BORCS5: variants seen among roughly 807,000 people sequenced by gnomAD.
BORCS5 encodes BLOC-1 related complex subunit 5.
Under a neutral mutation model 22.1 loss-of-function variants are expected in BORCS5, and 17 were observed. The observed-to-expected ratio is 0.77, with a 90% CI of 0.53 to 1.15. The LOEUF (loss-of-function observed/expected upper bound fraction) is 1.15. Among genes scored for constraint, BORCS5 ranks in the 50% most tolerant of loss-of-function variants. BORCS5 has a pLI of 0.00. For missense variants in BORCS5, 247 were observed against 253.2 expected, an observed-to-expected ratio of 0.98 and a Z score of 0.17; for synonymous variants, 117 against 99.8, an observed-to-expected ratio of 1.17 and a Z score of -1.03.
chr12:12,467,156 A>G lies in BORCS5; in HGVS notation c.*1380A>G, dbSNP rs1481663285. On this transcript the variant is annotated 3_prime_UTR_variant, in exon 4 of 4. Coordinates refer to ENST00000314565, the MANE Select transcript of BORCS5 (RefSeq NM_058169.6). ...CAAAAGAATAATACAATGAATATTC[A>G]TATTTCTTTCACCTAGATTGACAAA... 1 of 152,242 alleles carries G rather than the reference A, an allele frequency of 6.6e-6. No individual in the cohort carries two copies. The highest frequency in any genetic ancestry group is 1.5e-5 in the Non-Finnish European group (1 of 68,044). 9.4% of individuals were successfully genotyped at this position (152,242 alleles called of 1,614,324 possible).
intron 2 of BORCS5, among the ~76,000 whole-genome samples, chr12:12,416,032 T>A (rs1941940925): frequency 6.6e-6 from 1 of 152,200 alleles, no homozygotes; most frequent in African/African-American, 2.4e-5. Flanking sequence ...AGAGTTTCTA[T>A]GTGGCTTAGC....
At chr12:12,449,443 G>T (rs1204221378) in intron 3 of BORCS5, among the ~76,000 whole-genome samples, 1 of 152,102 alleles carries the variant, frequency 6.6e-6, no homozygotes. Context: ...GGCCTTTTGT[G>T]GGGAGGAGGT....
intron 1 of BORCS5, among the ~76,000 whole-genome samples, chr12:12,359,883 C>T (rs1348401415): frequency 6.6e-6 from 1 of 152,064 alleles, no homozygotes; most frequent in Non-Finnish European, 1.5e-5. Context: ...CTGTCTAGCA[C>T]TGCTGACTTT....
Position 12,394,302 on chromosome 12 carries a change from G to T in BORCS5, c.202+32953G>T, listed in dbSNP as rs140755039. 2.0e-3 allele frequency among the ~76,000 whole-genome samples: 306 copies of T among 151,594 alleles called. 1 individual carries two copies. Among genetic ancestry groups the T allele is most frequent in the African/African-American group, 6.7e-3 (274 of 40,978 alleles). On this transcript the variant is annotated intron_variant, in intron 2 of 3. Coordinates refer to ENST00000314565, the MANE Select transcript of BORCS5 (RefSeq NM_058169.6). ...GATCATGCCACTGCACCCCAGCTTG[G>T]GTGACAGATTGAGACTCTATCTCAA...
chr12:12,462,781 C>T (rs1198814705), intron 3 of BORCS5, among the ~76,000 whole-genome samples: 2 of 152,128 alleles, frequency 1.3e-5, no homozygotes, highest in Non-Finnish European at 2.9e-5. Context: ...CTCAGCCTCC[C>T]AAGTAGTTGG....
chr12:12,457,753 A>T (rs774150588), intron 3 of BORCS5, among the ~76,000 whole-genome samples: 2 of 152,172 alleles, frequency 1.3e-5, no homozygotes, highest in Non-Finnish European at 2.9e-5. Context: ...CCCACAGAGG[A>T]GGTAAAAGCT....
chr12:12,433,789 C>T (rs1333379427), intron 2 of BORCS5, among the ~76,000 whole-genome samples: 11 of 152,174 alleles, frequency 7.2e-5, no homozygotes, highest in Non-Finnish European at 1.6e-4. Flanking sequence ...AGCAGTGCCT[C>T]GGGTTCCAGC....
chr12:12,464,168 G>T (rs541828803), intron 3 of BORCS5, among the ~76,000 whole-genome samples: 93 of 150,802 alleles, frequency 6.2e-4, no homozygotes, highest in Non-Finnish European at 1.0e-3. Context: ...AGTGTGCATT[G>T]TTTCCACATT....
At chr12:12,372,400 A>C (rs1318206951) in intron 2 of BORCS5, among the ~76,000 whole-genome samples, 1 of 151,998 alleles carries the variant, frequency 6.6e-6, no homozygotes, top group African/African-American at 2.4e-5. Context: ...GCTAGAGTGC[A>C]GTGGCACCAC....
At chr12:12,434,972 A>G (rs772930361) in intron 2 of BORCS5, among the ~76,000 whole-genome samples, 6 of 152,214 alleles carry the variant, frequency 3.9e-5, no homozygotes, top group African/African-American at 4.8e-5. Context: ...TGCAAATGCT[A>G]TTAATTGCCC....
intron 2 of BORCS5, among the ~76,000 whole-genome samples, chr12:12,396,465 G>T (rs1188909237): frequency 6.6e-6 from 1 of 152,182 alleles, no homozygotes; most frequent in Non-Finnish European, 1.5e-5. Context: ...GAGGAGCATG[G>T]TAGGGAATGG....
intron 2 of BORCS5, among the ~76,000 whole-genome samples, chr12:12,425,034 C>T (rs1942244415): frequency 1.3e-5 from 2 of 152,154 alleles, no homozygotes; most frequent in South Asian, 4.1e-4. Context: ...TCTCTGTCTG[C>T]ACCTTTGTGA....
In BORCS5 at chr12:12,464,586, C is replaced by T. The variant is rs528955974; in HGVS notation, c.361-960C>T. 9.9e-5 allele frequency among the ~76,000 whole-genome samples: 15 copies of T among 152,152 alleles called. No homozygotes were observed. The South Asian group carries it at 3.1e-3, about 32-fold the overall frequency. On this transcript the variant is annotated intron_variant, in intron 3 of 3. Transcript: ENST00000314565. Reference sequence around the variant, plus strand: ...GGCCTCAGTAGTTGAGCTGTTTTCTCCTGGCCTGGGAAAGAAACAAGGGGT... The same window carrying T: ...GGCCTCAGTAGTTGAGCTGTTTTCTTCTGGCCTGGGAAAGAAACAAGGGGT...
At chr12:12,452,766 T>C (rs971010463) in intron 3 of BORCS5, among the ~76,000 whole-genome samples, 1 of 152,188 alleles carries the variant, frequency 6.6e-6, no homozygotes, top group Non-Finnish European at 1.5e-5. Context: ...CCAGGAAAGA[T>C]TCATACTCCC....
At chr12:12,432,702 A>G (rs1942459214) in intron 2 of BORCS5, among the ~76,000 whole-genome samples, 1 of 152,234 alleles carries the variant, frequency 6.6e-6, no homozygotes, top group Non-Finnish European at 1.5e-5. Flanking sequence ...TAAAAAAAGA[A>G]TTAACCATTG....
rs1270852852 is a variant in BORCS5, at chr12:12,466,497, G to C, written c.*721G>C. On this transcript the variant is annotated 3_prime_UTR_variant, in exon 4 of 4. Transcript: ENST00000314565. ...ATGTCTCATTCCACAGACATTTCTT[G>C]AACCCATTTGATGTGTCCAATATTG... 1 of 152,162 alleles carries C rather than the reference G, an allele frequency of 6.6e-6. No homozygotes were observed. Among genetic ancestry groups the C allele is most frequent in the Non-Finnish European group, 1.5e-5 (1 of 68,062 alleles). The allele number at this position is 152,162 out of a possible 1,614,324, so 9.4% of individuals were successfully genotyped here. A position where few individuals can be genotyped will look rare whatever the true frequency, so the allele number is the denominator to read the frequency against.
Position 12,435,683 on chromosome 12 carries a change from T to A in BORCS5, c.258T>A (p.Ser86=), listed in dbSNP as rs1363682177. The A allele has an allele frequency of 1.2e-6, 2 of 1,614,022 alleles. No individual in the cohort carries two copies. The highest frequency in any genetic ancestry group is 1.3e-5 in the African/African-American group (1 of 74,914). The change falls in exon 3 of 4, where the codon TCT becomes TCA. Residue 86 remains serine, a synonymous_variant. Transcript: ENST00000314565. ...PTNAKLEKLD[S]QQVLQLCLRY... ...ATGCCAAATTGGAGAAACTGGACTC[T>A]CAGCAGGTGTTGCAGCTCTGCCTCC...
chr12:12,369,064 T>G (rs1863465664), intron 2 of BORCS5, among the ~76,000 whole-genome samples: 1 of 152,158 alleles, frequency 6.6e-6, no homozygotes, highest in African/African-American at 2.4e-5. Flanking sequence ...TTTTTGTTAA[T>G]TTGTCTATTC....
At chr12:12,360,395 T>G (rs184519029) in intron 1 of BORCS5, among the ~76,000 whole-genome samples, 303 of 151,832 alleles carry the variant, frequency 2.0e-3, no homozygotes, top group African/African-American at 7.0e-3. Context: ...TCTGAGGGTT[T>G]TTGTTGTTGT....
Sources: allele counts gnomAD v4.1 joint callset (sites outside exome capture counted in the v4.1 genomes callset), GRCh38; gene constraint gnomAD v4.1.1; transcripts MANE v1.5; gene names NCBI Gene and HGNC (gene_info 2026-07-23, HGNC 2026-07-21).